IL1RAPL1: variants seen among roughly 807,000 people sequenced by gnomAD.
IL1RAPL1 encodes the protein interleukin 1 receptor accessory protein like 1, also known as interleukin-1 receptor accessory protein-like 1.
A neutral mutation model predicts 48.4 loss-of-function variants in IL1RAPL1; 3 were observed. That is an observed-to-expected ratio of 0.06 (90% CI 0.03 to 0.16). The LOEUF (loss-of-function observed/expected upper bound fraction) is 0.16, where lower values mean the gene tolerates loss of function less well. Among genes scored for constraint, IL1RAPL1 ranks in the 10% least tolerant of loss-of-function variants. IL1RAPL1 has a pLI of 1.00. For missense variants in IL1RAPL1, 349 were observed against 530.6 expected, an observed-to-expected ratio of 0.66 and a Z score of 3.36; for synonymous variants, 185 against 187.7, an observed-to-expected ratio of 0.99 and a Z score of 0.12.
intron 1 of IL1RAPL1, among the ~76,000 whole-genome samples, chrX:28,775,778 G>T (rs1569169966): frequency 8.9e-6 from 1 of 111,915 alleles, no homozygotes. Context: ...TATTTATGTT[G>T]TACAACTATG....
intron 6 of IL1RAPL1, among the ~76,000 whole-genome samples, chrX:29,717,660 C>T (rs1486188866): frequency 8.9e-6 from 1 of 112,440 alleles, no homozygotes; most frequent in Non-Finnish European, 1.9e-5. Context: ...TGGAACACAG[C>T]TCTGCTAATT....
At chrX:29,266,095 A>G (rs917305659) in intron 2 of IL1RAPL1, among the ~76,000 whole-genome samples, 1 of 110,927 alleles carries the variant, frequency 9.0e-6, no homozygotes, top group Non-Finnish European at 1.9e-5. Context: ...ATACCATTTG[A>G]CCCAGCCATC....
intron 6 of IL1RAPL1, among the ~76,000 whole-genome samples, chrX:29,727,682 C>T (rs978457677): frequency 5.4e-5 from 6 of 111,373 alleles, no homozygotes; most frequent in Admixed American, 9.6e-5. Flanking sequence ...CTCCCTCATG[C>T]GCTCATCTGA....
At chrX:28,856,587 A>G (rs778648150) in intron 2 of IL1RAPL1, among the ~76,000 whole-genome samples, 1 of 111,645 alleles carries the variant, frequency 9.0e-6, no homozygotes, top group South Asian at 3.8e-4. Flanking sequence ...AACTCTCACA[A>G]TATTTCATAC....
At chrX:29,649,055 T>C (rs1269892340) in intron 5 of IL1RAPL1, among the ~76,000 whole-genome samples, 3 of 111,317 alleles carry the variant, frequency 2.7e-5, no homozygotes, top group African/African-American at 6.5e-5. Context: ...CCTACCAACA[T>C]TGAATTATGA....
At chrX:29,486,242 A>G (rs904701485) in intron 5 of IL1RAPL1, among the ~76,000 whole-genome samples, 2 of 110,933 alleles carry the variant, frequency 1.8e-5, no homozygotes, top group African/African-American at 6.6e-5. Context: ...CTATATTCCA[A>G]TCTGCAGGAT....
chrX:29,342,898 T>G (rs111736285), intron 3 of IL1RAPL1, among the ~76,000 whole-genome samples: 3,650 of 111,901 alleles, frequency 0.033, 145 homozygotes, highest in African/African-American at 0.11. Flanking sequence ...AAGGGACCAT[T>G]GCTAGGTCAC....
In IL1RAPL1 at chrX:28,952,216, T is replaced by C. The variant is rs184341200; in HGVS notation, c.82+162791T>C. ...AAAGTTAAAAACACATTTCCAAAAA[T>C]TTATATTTTTAGTTTAAAGTATGCA... On this transcript the variant is annotated intron_variant, in intron 2 of 10. Transcript: ENST00000378993. Among the ~76,000 whole-genome samples the C allele has an allele frequency of 2.7e-5, 3 of 111,238 alleles. No homozygotes were observed. In the Admixed American group the frequency reaches 2.9e-4, roughly 11 times the overall value.
At chrX:29,177,558 C>G (rs5943604) in intron 2 of IL1RAPL1, among the ~76,000 whole-genome samples, 76 of 110,722 alleles carry the variant, frequency 6.9e-4, no homozygotes, top group African/African-American at 2.5e-3. Context: ...ACAACATTTA[C>G]AATAAAAGTA....
intron 5 of IL1RAPL1, among the ~76,000 whole-genome samples, chrX:29,633,709 A>C (rs1367830970): frequency 9.0e-6 from 1 of 111,331 alleles, no homozygotes; most frequent in Admixed American, 9.6e-5. Context: ...CTATGCCTGT[A>C]TTCCTAGCGT....
rs187085615 is a variant in IL1RAPL1 at position 29,456,860 on chromosome X, C to T, written c.703+57552C>T. Among the ~76,000 whole-genome samples, 514 of 111,608 alleles carry T rather than the reference C, an allele frequency of 4.6e-3. 3 individuals carry two copies. The highest frequency in any genetic ancestry group is 0.016 in the African/African-American group (497 of 30,780). On this transcript the variant is annotated intron_variant, in intron 5 of 10. Transcript: ENST00000378993. ...GAAGAATTTTGAGCCCAAGCTGGTA[C>T]GGTAGCTTACTCCTGTAATCCCAAC...
At chrX:29,456,368 G>A (rs772474666) in intron 5 of IL1RAPL1, among the ~76,000 whole-genome samples, 4 of 111,672 alleles carry the variant, frequency 3.6e-5, no homozygotes, top group Admixed American at 1.9e-4. Context: ...AGTGGTCATG[G>A]CTAACTGTTA....
At chrX:28,763,273 A>G (rs749847972) in intron 1 of IL1RAPL1, among the ~76,000 whole-genome samples, 10 of 111,727 alleles carry the variant, frequency 9.0e-5, no homozygotes, top group Middle Eastern at 4.6e-3. Context: ...GATTGCCACG[A>G]TATGAATGTC....
At chrX:29,100,654 C>T (rs1928315806) in intron 2 of IL1RAPL1, among the ~76,000 whole-genome samples, 3 of 111,912 alleles carry the variant, frequency 2.7e-5, no homozygotes, top group Admixed American at 1.9e-4. Flanking sequence ...CAGAGTCCAA[C>T]TCTTCGGGTT....
chrX:29,281,834 A>G (rs1464992155), intron 2 of IL1RAPL1, among the ~76,000 whole-genome samples: 2 of 112,248 alleles, frequency 1.8e-5, no homozygotes, highest in East Asian at 5.6e-4. Flanking sequence ...GTAACAAAAT[A>G]CTATAGACTG....
intron 2 of IL1RAPL1, among the ~76,000 whole-genome samples, chrX:29,179,156 A>T (rs1023715794): frequency 2.7e-5 from 3 of 110,587 alleles, no homozygotes; most frequent in Non-Finnish European, 3.8e-5. Context: ...GCTTGATGGG[A>T]ATGGCATTGA....
chrX:29,260,971 T>C (rs1351454964), intron 2 of IL1RAPL1, among the ~76,000 whole-genome samples: 3 of 107,594 alleles, frequency 2.8e-5, no homozygotes, highest in Non-Finnish European at 5.7e-5. Flanking sequence ...ATAAAATGTA[T>C]AGACAGTAAA....
intron 3 of IL1RAPL1, among the ~76,000 whole-genome samples, chrX:29,356,473 A>G (rs1198549953): frequency 1.2e-5 from 1 of 80,513 alleles, no homozygotes; most frequent in Non-Finnish European, 2.5e-5. Context: ...TTTATACTAT[A>G]TACATACATA....
intron 1 of IL1RAPL1, among the ~76,000 whole-genome samples, chrX:28,675,141 ATAT>A (rs1186753087): frequency 9.0e-6 from 1 of 111,706 alleles, no homozygotes; most frequent in Admixed American, 9.6e-5. Flanking sequence ...TATAACCATA[ATAT>A]TATGTGACCA....
Sources: gnomAD v4.1 joint callset for allele counts (sites outside exome capture counted in the v4.1 genomes callset) on GRCh38, gnomAD v4.1.1 for gene constraint, MANE v1.5 for transcripts, NCBI Gene and HGNC (gene_info 2026-07-23, HGNC 2026-07-21) for gene names.